The following CTNNA3 variants were observed in gnomAD, a reference collection of about 807,000 sequenced individuals.
CTNNA3 encodes catenin alpha-3.
CTNNA3 carries 76 observed loss-of-function variants against 95.7 expected under a neutral mutation model. That is an observed-to-expected ratio of 0.79 (90% CI 0.66 to 0.96). The LOEUF (loss-of-function observed/expected upper bound fraction) is 0.96. Among genes scored for constraint, CTNNA3 ranks in the 40% least tolerant of loss-of-function variants. The pLI is 0.00. For synonymous variants in CTNNA3, 431 were observed against 374.4 expected (o/e 1.15, Z -1.74); for missense variants, 1,191 against 1,089.8 (o/e 1.09, Z -1.31).
chr10:65,957,718 C>G (rs1005967507), intron 17 of CTNNA3, among the ~76,000 whole-genome samples: 3 of 152,034 alleles, frequency 2.0e-5, no homozygotes, highest in Non-Finnish European at 4.4e-5. Context: ...AATATTGGCC[C>G]TCTCTTCTGG....
intron 9 of CTNNA3, among the ~76,000 whole-genome samples, chr10:66,656,254 T>A (rs1846070683): frequency 6.6e-6 from 1 of 152,116 alleles, no homozygotes; most frequent in South Asian, 2.1e-4. Context: ...ATATTTTGCC[T>A]AAATAAGACA....
intron 12 of CTNNA3, among the ~76,000 whole-genome samples, chr10:66,362,196 G>C (rs1291777850): frequency 1.3e-5 from 2 of 149,314 alleles, no homozygotes; most frequent in Admixed American, 1.3e-4. Context: ...TCCGCCTTCT[G>C]GGTTCAAGTG....
intron 5 of CTNNA3, among the ~76,000 whole-genome samples, chr10:67,311,796 G>T (rs2132527320): frequency 6.6e-6 from 1 of 152,232 alleles, no homozygotes; most frequent in East Asian, 1.9e-4. Flanking sequence ...TAGGAACAAT[G>T]TGTTCTAGAA....
chr10:67,588,795 T>C (rs1207031220), intron 3 of CTNNA3, among the ~76,000 whole-genome samples: 1 of 152,052 alleles, frequency 6.6e-6, no homozygotes, highest in African/African-American at 2.4e-5. Flanking sequence ...TGTTAGATTT[T>C]TAGAAATCTA....
chr10:67,315,456 CAA>C (rs1331849714), intron 5 of CTNNA3, among the ~76,000 whole-genome samples: 1 of 152,160 alleles, frequency 6.6e-6, no homozygotes, highest in South Asian at 2.1e-4. Flanking sequence ...TTATATTCAG[CAA>C]AGTTGTCCTT....
rs530362247 is a variant in CTNNA3, at chr10:67,188,445, T to A, written c.844-7925A>T. ...GGCAAACCAGTCATTCACAGAATTC[T>A]TAGGGAGGGATTTAGATCCATAGAA... On this transcript the variant is annotated intron_variant, in intron 6 of 17. Coordinates refer to ENST00000433211, the MANE Select transcript of CTNNA3 (RefSeq NM_013266.4). Among the ~76,000 whole-genome samples the A allele has an allele frequency of 2.2e-3, 336 of 152,248 alleles. 2 individuals are homozygous for A. Among genetic ancestry groups the A allele is most frequent in the Non-Finnish European group, 4.1e-3 (280 of 67,996 alleles).
At chr10:67,637,030 T>C (rs889969848) in intron 2 of CTNNA3, among the ~76,000 whole-genome samples, 2 of 151,912 alleles carry the variant, frequency 1.3e-5, no homozygotes, top group South Asian at 2.1e-4. Flanking sequence ...CTTTGATGAG[T>C]TGAGAGAAGA....
intron 17 of CTNNA3, among the ~76,000 whole-genome samples, chr10:65,934,727 AAAG>A (rs1252784942): frequency 6.6e-6 from 1 of 152,128 alleles, no homozygotes; most frequent in Admixed American, 6.5e-5. Flanking sequence ...GTCAATCAAA[AAAG>A]GAGGATGACA....
At chr10:66,148,917 T>C (rs2084039440) in intron 13 of CTNNA3, among the ~76,000 whole-genome samples, 1 of 151,850 alleles carries the variant, frequency 6.6e-6, no homozygotes, top group African/African-American at 2.4e-5. Flanking sequence ...TTAAATAGAT[T>C]ACAAATCTAA....
At chr10:66,000,699 T>C (rs1055329564) in intron 15 of CTNNA3, among the ~76,000 whole-genome samples, 10 of 152,138 alleles carry the variant, frequency 6.6e-5, no homozygotes, top group African/African-American at 2.2e-4. Flanking sequence ...AGTTAGCACA[T>C]TCAGCATTTT....
rs192685738 is a variant in CTNNA3 at position 66,889,606 on chromosome 10, G to A, written c.1048-114082C>T. Among the ~76,000 whole-genome samples the A allele has an allele frequency of 1.7e-3, 256 of 152,212 alleles. 1 individual carries two copies. Among genetic ancestry groups the A allele is most frequent in the Middle Eastern group, 6.8e-3 (2 of 294 alleles). Reference sequence around the variant, plus strand: ...GTGGATTGTATGTGTAGGGTAGCAGGTACTTGCAAGAATAAGAAACAGCAA... The same window carrying A: ...GTGGATTGTATGTGTAGGGTAGCAGATACTTGCAAGAATAAGAAACAGCAA... On this transcript the variant is annotated intron_variant, in intron 7 of 17. Transcript: ENST00000433211.
intron 10 of CTNNA3, among the ~76,000 whole-genome samples, chr10:66,547,916 GA>G (rs1842088761): frequency 6.7e-6 from 1 of 148,962 alleles, no homozygotes; most frequent in Non-Finnish European, 1.5e-5. Flanking sequence ...CTTAGTATCT[GA>G]TTTTTTTTTT....
intron 1 of CTNNA3, among the ~76,000 whole-genome samples, chr10:67,666,858 T>C (rs1380294613): frequency 6.6e-6 from 1 of 152,004 alleles, no homozygotes; most frequent in Non-Finnish European, 1.5e-5. Flanking sequence ...AACAGCTGCA[T>C]CCTCTGAAAA....
chr10:67,349,548 G>C (rs1240730391), intron 5 of CTNNA3, among the ~76,000 whole-genome samples: 2 of 152,006 alleles, frequency 1.3e-5, no homozygotes, highest in South Asian at 4.1e-4. Flanking sequence ...AGGGACTCAA[G>C]GGAGAAGAAA....
At chr10:66,914,129 TC>T (rs574427979) in intron 7 of CTNNA3, among the ~76,000 whole-genome samples, 1 of 90,408 alleles carries the variant, frequency 1.1e-5, no homozygotes, top group Admixed American at 1.7e-4. Context: ...CAGGGTGCCT[TC>T]TTTTTTTTTT....
At chr10:67,386,544 T>C (rs1326918608) in intron 5 of CTNNA3, among the ~76,000 whole-genome samples, 1 of 152,016 alleles carries the variant, frequency 6.6e-6, no homozygotes, top group African/African-American at 2.4e-5. Flanking sequence ...AAGCCTTCAT[T>C]AAACATCAGC....
At chr10:66,070,169 A>G (rs2133603168) in intron 14 of CTNNA3, among the ~76,000 whole-genome samples, 1 of 152,250 alleles carries the variant, frequency 6.6e-6, no homozygotes, top group South Asian at 2.1e-4. Flanking sequence ...TTTTTAACTG[A>G]CACAAGTGCT....
intron 4 of CTNNA3, among the ~76,000 whole-genome samples, chr10:67,527,362 G>A (rs1363044615): frequency 6.6e-6 from 1 of 152,194 alleles, no homozygotes; most frequent in East Asian, 1.9e-4. Context: ...TCAAGATGAT[G>A]TTGAAGACAA....
chr10:67,118,792 C>T (rs1197042309), intron 7 of CTNNA3, among the ~76,000 whole-genome samples: 2 of 151,772 alleles, frequency 1.3e-5, no homozygotes, highest in East Asian at 3.9e-4. Flanking sequence ...CAATCCTAGT[C>T]CATATAAACT....
Sources: gnomAD v4.1 joint callset for allele counts (sites outside exome capture counted in the v4.1 genomes callset) on GRCh38, gnomAD v4.1.1 for gene constraint, MANE v1.5 for transcripts, NCBI Gene and HGNC (gene_info 2026-07-23, HGNC 2026-07-21) for gene names.